Variants in IREB2 observed in about 807,000 individuals in gnomAD.
IREB2 encodes iron-responsive element-binding protein 2.
In IREB2, 39 loss-of-function variants were observed where a neutral mutation model predicts 118.8. The ratio of observed to expected loss-of-function variants is 0.33; its 90% CI spans 0.25 to 0.43. The LOEUF (loss-of-function observed/expected upper bound fraction) is 0.43. Among genes scored for constraint, IREB2 ranks in the 20% least tolerant of loss-of-function variants. IREB2 has a pLI of 1.00. For missense variants in IREB2, 900 were observed against 1,147.3 expected (o/e 0.78, Z 3.11); for synonymous variants, 372 against 392.2 (o/e 0.95, Z 0.61).
chr15:78,447,161 T>TTTTTC (rs1248178229), intron 2 of IREB2, among the ~76,000 whole-genome samples: 1 of 151,678 alleles, frequency 6.6e-6, no homozygotes, highest in Non-Finnish European at 1.5e-5. Flanking sequence ...CTTTCCTTTC[T>TTTTTC]TTTTCTTTTC....
At position 78,485,782 on chromosome 15, in the gene IREB2, G is replaced by A; in HGVS notation, c.1651G>A (p.Gly551Arg). The A allele has an allele frequency of 6.2e-7, 1 of 1,613,908 alleles. No homozygotes were observed. Among genetic ancestry groups the A allele is most frequent in the South Asian group, 1.1e-5 (1 of 91,074 alleles). Residue 551 changes from glycine (G) to arginine (R), a missense_variant, in exon 13 of 22, where the codon GGG becomes AGG. Coordinates refer to ENST00000258886, the MANE Select transcript of IREB2 (RefSeq NM_004136.4). Reference sequence around the variant, plus strand: ...AAGAACAAGTTTATCTCCAGGCAGTGGGATGGTTACACATTACCTCAGTTC... The same window carrying A: ...AAGAACAAGTTTATCTCCAGGCAGTAGGATGGTTACACATTACCTCAGTTC... ...YIRTSLSPGS[G>R]MVTHYLSSSG...
intron 15 of IREB2, 122 bp from the exon 16 acceptor site, chr15:78,488,525 C>T (rs1250628567): frequency 3.8e-5 from 40 of 1,047,738 alleles, no homozygotes; most frequent in Middle Eastern, 4.3e-4. Flanking sequence ...TTCTTCCAGC[C>T]GCTTAAGCCT....
intron 10 of IREB2, 94 bp from the exon 11 acceptor site, chr15:78,483,224 A>G: frequency 3.3e-6 from 2 of 613,420 alleles, no homozygotes; most frequent in South Asian, 2.2e-5. Context: ...AAATACGAAT[A>G]TACTTACTCT....
intron 5 of IREB2, among the ~76,000 whole-genome samples, chr15:78,469,150 G>A (rs1201424433): frequency 1.3e-5 from 2 of 152,128 alleles, no homozygotes; most frequent in Non-Finnish European, 2.9e-5. Flanking sequence ...ATCTTTTAAT[G>A]TGTCAGTGAA....
At chr15:78,438,411 G>A (rs2050788303) in intron 1 of IREB2, 55 bp downstream of exon 1, 1 of 1,569,686 alleles carries the variant, frequency 6.4e-7, no homozygotes, top group African/African-American at 1.3e-5. Context: ...CGCTGCCTAG[G>A]CGCCGAATTC....
intron 8 of IREB2, 155 bp from the exon 9 acceptor site, chr15:78,476,032 CA>C (rs763181598): frequency 6.1e-6 from 3 of 489,940 alleles, no homozygotes; most frequent in Non-Finnish European, 1.1e-5. Context: ...AAAATACCCC[CA>C]AAACCAGAAT....
At chr15:78,493,857 T>A (rs1039278471) in intron 18 of IREB2, 52 bp from the exon 19 acceptor site, 41 of 1,555,168 alleles carry the variant, frequency 2.6e-5, no homozygotes, top group Non-Finnish European at 3.5e-5. Context: ...CTCAATAGTA[T>A]GTGATTATTT....
intron 10 of IREB2, among the ~76,000 whole-genome samples, chr15:78,483,072 T>C (rs1246303325): frequency 6.6e-6 from 1 of 152,178 alleles, no homozygotes; most frequent in Non-Finnish European, 1.5e-5. Flanking sequence ...ATTGGTGTTG[T>C]GGTAGTTTAA....
chr15:78,470,840 G>A lies in IREB2; in HGVS notation c.699+239G>A, dbSNP rs189517980. The stretch of plus-strand genomic sequence containing the variant: ...CTCCCGAGTAGCTGGGATTACAGGC[G>A]CACACCAGCACGCCTGGCTAATTTT... On this transcript the variant is annotated intron_variant, in intron 6 of 21. Coordinates refer to ENST00000258886, the MANE Select transcript of IREB2 (RefSeq NM_004136.4). 7.4e-3 allele frequency: 2,160 copies of A among 292,660 alleles called. 49 individuals carry two copies. Among genetic ancestry groups the A allele is most frequent in the African/African-American group, 0.043 (1,956 of 45,322 alleles). The allele number at this position is 292,660 out of a possible 1,614,324, so 18.1% of individuals were successfully genotyped here.
At chr15:78,439,475 A>G (rs1228323918) in intron 1 of IREB2, among the ~76,000 whole-genome samples, 1 of 152,146 alleles carries the variant, frequency 6.6e-6, no homozygotes, top group African/African-American at 2.4e-5. Flanking sequence ...ATCACATTTC[A>G]GGAGTGAATT....
At chr15:78,491,805 A>G (rs536671474) in intron 18 of IREB2, among the ~76,000 whole-genome samples, 44 of 152,252 alleles carry the variant, frequency 2.9e-4, no homozygotes, top group African/African-American at 1.0e-3. Flanking sequence ...CAAAATGTCA[A>G]TGTAGCTTGT....
Position 78,439,030 on chromosome 15 carries a change from CTA to C in IREB2, c.19+676_19+677del, listed in dbSNP as rs1217376448. On this transcript the variant is annotated intron_variant, in intron 1 of 21. Transcript: ENST00000258886. ...TGTTGAGGGTCCTGGCCACCCACCG[CTA>C]TGAGTCTGCACAAAAGATCTGAAGG... is the stretch of plus-strand genomic sequence containing the variant. 3.9e-5 allele frequency among the ~76,000 whole-genome samples: 6 copies of C among 152,266 alleles called. 1 individual carries two copies. In the South Asian group the frequency reaches 8.3e-4, roughly 21 times the overall value.
chr15:78,497,468 T>G (rs943195268), intron 21 of IREB2, 157 bp downstream of exon 21: 9 of 620,766 alleles, frequency 1.4e-5, no homozygotes, highest in Admixed American at 3.1e-5. Context: ...TCTAGCTATG[T>G]TAATAGTTCA....
At chr15:78,455,928 G>A (rs1007514122) in intron 2 of IREB2, among the ~76,000 whole-genome samples, 1 of 152,220 alleles carries the variant, frequency 6.6e-6, no homozygotes, top group African/African-American at 2.4e-5. Context: ...CTGACAGGCT[G>A]GCGCTCCCTG....
intron 5 of IREB2, 99 bp downstream of exon 5, chr15:78,466,588 C>G: frequency 1.3e-6 from 1 of 772,502 alleles, no homozygotes; most frequent in Non-Finnish European, 2.2e-6. Context: ...ATTATGTTAC[C>G]TTCACACTTA....
chr15:78,440,918 G>A (rs1020138491), intron 2 of IREB2, among the ~76,000 whole-genome samples: 7 of 152,140 alleles, frequency 4.6e-5, no homozygotes, highest in African/African-American at 1.4e-4. Context: ...TTTACTAACA[G>A]TTGAGTAACT....
Position 78,478,416 on chromosome 15 carries a change from A to G in IREB2, c.1296+19A>G. 1 of 1,376,794 alleles carries G rather than the reference A, an allele frequency of 7.3e-7. No individual in the cohort carries two copies. The highest frequency in any genetic ancestry group is 1.0e-6 in the Non-Finnish European group (1 of 965,338). 85.3% of individuals were successfully genotyped at this position (1,376,794 alleles called of 1,614,324 possible). A position where few individuals can be genotyped will look rare whatever the true frequency, so the allele number is the denominator to read the frequency against. On this transcript the variant is annotated intron_variant, in intron 10 of 21. Transcript: ENST00000258886. ...CTCCCAGGTATATGCAGAATAACCC[A>G]CCTCGTAGCAAAGAGTGTAAATTGT...
In IREB2 at chr15:78,467,513, G is replaced by A. The variant is rs186324075; in HGVS notation, c.629+1024G>A. Among the ~76,000 whole-genome samples, 163 of 152,262 alleles carry A rather than the reference G, an allele frequency of 1.1e-3. 1 individual carries two copies. Among genetic ancestry groups the A allele is most frequent in the South Asian group, 2.1e-3 (10 of 4,828 alleles). ...TCGAGGCCAGCCTGGCAAACATGGCGAAACCCCATCTCTACTAAAAATACA... is the reference window on the plus strand; with the variant it reads ...TCGAGGCCAGCCTGGCAAACATGGCAAAACCCCATCTCTACTAAAAATACA... On this transcript the variant is annotated intron_variant, in intron 5 of 21. Transcript: ENST00000258886.
chr15:78,447,007 A>G (rs1408753574), intron 2 of IREB2, among the ~76,000 whole-genome samples: 1 of 152,176 alleles, frequency 6.6e-6, no homozygotes, highest in Non-Finnish European at 1.5e-5. Context: ...CTTCTACATT[A>G]AATTGGGGGG....
Sources: gnomAD v4.1 joint callset for allele counts (sites outside exome capture counted in the v4.1 genomes callset) on GRCh38, gnomAD v4.1.1 for gene constraint, MANE v1.5 for transcripts, NCBI Gene and HGNC (gene_info 2026-07-23, HGNC 2026-07-21) for gene names.